TCF12: variants seen among roughly 807,000 people sequenced by gnomAD.
TCF12 encodes the protein transcription factor 12, also known as DNA-binding protein HTF4.
A neutral mutation model predicts 86.0 loss-of-function variants in TCF12; 45 were observed. The observed-to-expected ratio is 0.52, with a 90% confidence interval of 0.41 to 0.67. The LOEUF is 0.67. Among genes scored for constraint, TCF12 ranks in the 30% least tolerant of loss-of-function variants. The pLI, the probability that TCF12 is intolerant of heterozygous loss-of-function variation, is 0.00. For missense variants in TCF12, 881 were observed against 859.9 expected (o/e 1.02, Z -0.31); for synonymous variants, 330 against 299.6 (o/e 1.10, Z -1.05).
chr15:57,243,640 T>C (rs2151971570), intron 13 of TCF12, 90 bp downstream of exon 13: 1 of 1,170,348 alleles, frequency 8.5e-7, no homozygotes, highest in South Asian at 1.4e-5. Context: ...TAATAAAAAT[T>C]TGTGAAAAAT....
intron 13 of TCF12, among the ~76,000 whole-genome samples, chr15:57,249,839 A>G (rs1322336327): frequency 1.3e-5 from 2 of 152,096 alleles, no homozygotes; most frequent in African/African-American, 4.8e-5. Flanking sequence ...AGTCTTTATT[A>G]TTTTCTGTAA....
chr15:57,052,463 C>T (rs1444702236), intron 3 of TCF12, among the ~76,000 whole-genome samples: 1 of 151,672 alleles, frequency 6.6e-6, no homozygotes, highest in Non-Finnish European at 1.5e-5. Flanking sequence ...ATGGTGAAAC[C>T]CCTTCTCTAC....
intron 8 of TCF12, among the ~76,000 whole-genome samples, chr15:57,208,834 G>C (rs895350244): frequency 6.6e-6 from 1 of 151,936 alleles, no homozygotes; most frequent in Non-Finnish European, 1.5e-5. Flanking sequence ...TCCCACCTCA[G>C]CCTCCTGAGT....
At chr15:57,152,627 G>A (rs78596359) in intron 5 of TCF12, among the ~76,000 whole-genome samples, 18 of 151,708 alleles carry the variant, frequency 1.2e-4, no homozygotes, top group African/African-American at 4.3e-4. Flanking sequence ...CTTGAATATA[G>A]GCCAGTATAA....
rs57821231 is a variant in TCF12 at position 57,037,434 on chromosome 15, A to AAAACAAAC, written c.149-26297_149-26290dup. 8.2e-3 allele frequency among the ~76,000 whole-genome samples: 1,244 copies of AAAACAAAC among 151,120 alleles called. 20 individuals are homozygous for AAAACAAAC. The highest frequency in any genetic ancestry group is 0.026 in the African/African-American group (1,065 of 40,924). ...CCAGCCTGGGTGACAAGAGCTCAAAAAAACAAACAAACAAACAAACAAACA... is the reference window on the plus strand; with the variant it reads ...CCAGCCTGGGTGACAAGAGCTCAAAAAAACAAACAAACAAACAAACAAACAAACAAACA... On this transcript the variant is annotated intron_variant, in intron 3 of 20. Coordinates refer to ENST00000333725, the MANE Select transcript of TCF12 (RefSeq NM_207037.2).
At chr15:57,233,766 C>T (rs1261096826) in intron 11 of TCF12, among the ~76,000 whole-genome samples, 2 of 152,176 alleles carry the variant, frequency 1.3e-5, no homozygotes, top group African/African-American at 2.4e-5. Context: ...CATGAGCCAC[C>T]GCGCCTGGCC....
chr15:57,134,684 C>T (rs1159383588), intron 5 of TCF12, among the ~76,000 whole-genome samples: 1 of 152,064 alleles, frequency 6.6e-6, no homozygotes, highest in Non-Finnish European at 1.5e-5. Flanking sequence ...CCAGAAATGG[C>T]TTATATGAAT....
At chr15:56,973,343 A>C (rs1331536848) in intron 3 of TCF12, among the ~76,000 whole-genome samples, 2 of 152,164 alleles carry the variant, frequency 1.3e-5, no homozygotes, top group Non-Finnish European at 2.9e-5. Context: ...TGAGAAAGTC[A>C]GGAGTGCTCA....
At chr15:57,032,765 A>C (rs921052770) in intron 3 of TCF12, among the ~76,000 whole-genome samples, 2 of 152,208 alleles carry the variant, frequency 1.3e-5, no homozygotes, top group East Asian at 3.8e-4. Context: ...TTTATAGCAC[A>C]TTATTCAGAA....
intron 19 of TCF12, among the ~76,000 whole-genome samples, chr15:57,276,808 CTTTT>C (rs35792121): frequency 3.7e-5 from 4 of 107,558 alleles, no homozygotes; most frequent in Non-Finnish European, 1.9e-5. Context: ...TTTTTTTTTC[CTTTT>C]TTTTTTTTTT....
intron 3 of TCF12, among the ~76,000 whole-genome samples, chr15:57,015,468 C>T (rs1180966605): frequency 3.3e-5 from 5 of 152,150 alleles, no homozygotes; most frequent in African/African-American, 9.7e-5. Flanking sequence ...CTTGCCCACC[C>T]CCATTTTTGT....
intron 3 of TCF12, among the ~76,000 whole-genome samples, chr15:57,039,347 C>G (rs1351307819): frequency 6.6e-6 from 1 of 152,158 alleles, no homozygotes; most frequent in Non-Finnish European, 1.5e-5. Context: ...TACCCTATTT[C>G]TGAGGCTCCG....
chr15:56,939,465 G>T (rs1013563873), intron 3 of TCF12, among the ~76,000 whole-genome samples: 7 of 152,158 alleles, frequency 4.6e-5, no homozygotes, highest in South Asian at 4.1e-4. Flanking sequence ...AAGTATTTCT[G>T]TTGGGAAATT....
At chr15:57,035,529 A>G (rs1261162028) in intron 3 of TCF12, among the ~76,000 whole-genome samples, 1 of 152,152 alleles carries the variant, frequency 6.6e-6, no homozygotes, top group African/African-American at 2.4e-5. Context: ...GGCCTCCCAA[A>G]GTATTGGGAT....
At chr15:57,056,154 T>TGTGTG (rs1567332495) in intron 3 of TCF12, among the ~76,000 whole-genome samples, 3 of 146,692 alleles carry the variant, frequency 2.0e-5, no homozygotes, top group Middle Eastern at 3.5e-3. Context: ...TGTGTGTGTG[T>TGTGTG]TTTGAGACAG....
At chr15:57,257,679 G>GTATATATATATATATA (rs55834033) in intron 16 of TCF12, among the ~76,000 whole-genome samples, 21 of 140,364 alleles carry the variant, frequency 1.5e-4, no homozygotes, top group Admixed American at 8.6e-4. Flanking sequence ...AAAAAAAAGT[G>GTATATATATATATATA]TATATATATA....
At chr15:57,151,303 G>T (rs756704940) in intron 5 of TCF12, among the ~76,000 whole-genome samples, 4 of 151,710 alleles carry the variant, frequency 2.6e-5, no homozygotes, top group Non-Finnish European at 4.4e-5. Flanking sequence ...TTTTTAGAGA[G>T]AAGAAAAATA....
At position 57,288,209 on chromosome 15, in the gene TCF12, G is replaced by A. The variant is rs906072084; in HGVS notation, c.*2064G>A. On this transcript the variant is annotated 3_prime_UTR_variant, in exon 21 of 21. Transcript: ENST00000333725. ...AATGTAGGGTTATTTACCATAACCT[G>A]TTCATTAATATCAGAAATTTACAAT... The A allele has an allele frequency of 6.6e-6, 1 of 152,532 alleles. No individual in the cohort carries two copies. Among genetic ancestry groups the A allele is most frequent in the Non-Finnish European group, 1.5e-5 (1 of 68,012 alleles). The allele number at this position is 152,532 out of a possible 1,614,324, so 9.4% of individuals were successfully genotyped here. A position where few individuals can be genotyped will look rare whatever the true frequency, so the allele number is the denominator to read the frequency against.
At chr15:57,165,126 A>ATGTC (rs1281581865) in intron 5 of TCF12, among the ~76,000 whole-genome samples, 11 of 103,604 alleles carry the variant, frequency 1.1e-4, no homozygotes, top group Non-Finnish European at 1.4e-4. Context: ...TCCTGAAGGA[A>ATGTC]TGTATGTCTG....
Sources: gnomAD v4.1 joint callset for allele counts (sites outside exome capture counted in the v4.1 genomes callset) on GRCh38, gnomAD v4.1.1 for gene constraint, MANE v1.5 for transcripts, NCBI Gene and HGNC (gene_info 2026-07-23, HGNC 2026-07-21) for gene names.